ZFHX3: variants seen among roughly 807,000 people sequenced by gnomAD.
ZFHX3 encodes zinc finger homeobox protein 3.
A neutral mutation model predicts 279.1 loss-of-function variants in ZFHX3; 42 were observed. That is an observed-to-expected ratio of 0.15 (90% CI 0.12 to 0.19). The LOEUF is 0.19. Among genes scored for constraint, ZFHX3 ranks in the 10% least tolerant of loss-of-function variants. The probability of loss-of-function intolerance (pLI) is 1.00; values close to 1 mark genes in which losing one functional copy is unlikely to be tolerated. For synonymous variants in ZFHX3, 2,293 were observed against 1,957.8 expected, an observed-to-expected ratio of 1.17 and a Z score of -4.52; for missense variants, 4,981 against 4,754.0, an observed-to-expected ratio of 1.05 and a Z score of -1.40.
chr16:73,504,863 T>C (rs1014053218), intron 2 of ZFHX3: 1 of 152,032 alleles, frequency 6.6e-6, no homozygotes, highest in African/African-American at 2.4e-5. Flanking sequence ...GCTTGGGTTG[T>C]TGAGGGGAGA....
At position 73,453,175 on chromosome 16, in the gene ZFHX3, T is replaced by C. The variant is rs114914023; in HGVS notation, c.-1291+2828A>G. On this transcript the variant is annotated intron_variant, in intron 3 of 17. Coordinates refer to the ZFHX3 transcript ENST00000641206. ...GGTACAATAAATGTGTGTTGACTGA[T>C]TGAATTACTGGGTTGTCGGTTGGCC... Among the ~76,000 whole-genome samples the C allele has an allele frequency of 5.8e-3, 880 of 152,346 alleles. 10 individuals are homozygous for C. Among genetic ancestry groups the C allele is most frequent in the African/African-American group, 0.02 (852 of 41,572 alleles).
At chr16:73,406,503 C>T (rs948220565) in intron 3 of ZFHX3, among the ~76,000 whole-genome samples, 1 of 152,228 alleles carries the variant, frequency 6.6e-6, no homozygotes, top group African/African-American at 2.4e-5. Context: ...TAAAGACATA[C>T]CCATTTTGGC....
rs1235133516 is a variant in ZFHX3, at chr16:72,797,534, T to C, written c.5148A>G (p.Ala1716=). 5 of 1,614,108 alleles carry C rather than the reference T, an allele frequency of 3.1e-6. No individual in the cohort carries two copies. In the Admixed American group the frequency reaches 6.7e-5, roughly 22 times the overall value. ...EPKEANRKKL[A]DMIASRQQQQ... ...GCTGCTGCCTGGATGCAATCATATC[T>C]GCCAGTTTCTTCCGATTGGCCTCTT... The change falls in exon 9 of 10, where the codon GCA becomes GCG. Residue 1716 remains alanine, a synonymous_variant. Transcript: ENST00000268489.
intron 4 of ZFHX3, among the ~76,000 whole-genome samples, chr16:72,878,963 C>T (rs373927869): frequency 6.6e-6 from 1 of 152,196 alleles, no homozygotes; most frequent in Non-Finnish European, 1.5e-5. Flanking sequence ...AGGAAGGGTC[C>T]GAGTTCGCCT....
chr16:73,301,933 C>G (rs544231985), intron 4 of ZFHX3, among the ~76,000 whole-genome samples: 1 of 152,006 alleles, frequency 6.6e-6, no homozygotes, highest in African/African-American at 2.4e-5. Flanking sequence ...GTGGGTGCTG[C>G]GGCAACCACA....
intron 8 of ZFHX3, among the ~76,000 whole-genome samples, chr16:73,071,909 C>T (rs1184460860): frequency 6.6e-6 from 1 of 152,196 alleles, no homozygotes; most frequent in Non-Finnish European, 1.5e-5. Context: ...GGCCAAGGGG[C>T]ACAAGGCAGA....
At chr16:73,818,218 G>A (rs1256141879) in intron 1 of ZFHX3, among the ~76,000 whole-genome samples, 1 of 152,158 alleles carries the variant, frequency 6.6e-6, no homozygotes, top group Non-Finnish European at 1.5e-5. Flanking sequence ...TTTATAGTAT[G>A]ACAGATCCTA....
intron 3 of ZFHX3, among the ~76,000 whole-genome samples, chr16:73,439,814 T>C (rs903091669): frequency 5.5e-5 from 8 of 145,720 alleles, no homozygotes; most frequent in Non-Finnish European, 1.0e-4. Context: ...ATTGCTGAAA[T>C]TGGACACATG....
At chr16:73,649,119 C>T (rs1360245089) in intron 2 of ZFHX3, among the ~76,000 whole-genome samples, 1 of 152,190 alleles carries the variant, frequency 6.6e-6, no homozygotes, top group Non-Finnish European at 1.5e-5. Flanking sequence ...TCTATGTTAA[C>T]CATCATAACT....
intron 3 of ZFHX3, among the ~76,000 whole-genome samples, chr16:72,900,071 C>T (rs988433431): frequency 7.3e-6 from 1 of 137,062 alleles, no homozygotes; most frequent in Non-Finnish European, 1.5e-5. Flanking sequence ...AAGTGCAAAA[C>T]TTGCCAAAGT....
chr16:73,873,713 G>GA (rs1185407534), intron 1 of ZFHX3, among the ~76,000 whole-genome samples: 2 of 151,994 alleles, frequency 1.3e-5, no homozygotes, highest in Admixed American at 6.5e-5. Flanking sequence ...CTTTAGAAAG[G>GA]AAAAAAATGC....
chr16:72,912,236 G>A (rs973875474), intron 3 of ZFHX3, among the ~76,000 whole-genome samples: 2 of 152,178 alleles, frequency 1.3e-5, no homozygotes, highest in African/African-American at 4.8e-5. Context: ...AGCAATGTCA[G>A]GCCCAGTGTC....
chr16:73,011,109 G>A (rs1963899541), intron 1 of ZFHX3, among the ~76,000 whole-genome samples: 3 of 152,046 alleles, frequency 2.0e-5, no homozygotes, highest in East Asian at 3.9e-4. Flanking sequence ...AGCCTCCCCA[G>A]TAGCTGGGAC....
At chr16:72,879,317 G>A (rs907367804) in intron 4 of ZFHX3, among the ~76,000 whole-genome samples, 2 of 152,172 alleles carry the variant, frequency 1.3e-5, no homozygotes, top group African/African-American at 4.8e-5. Flanking sequence ...ATAGAAAATT[G>A]TAAGGCTCTA....
chr16:73,143,920 T>C (rs1245739204), intron 5 of ZFHX3: 1 of 455,816 alleles, frequency 2.2e-6, no homozygotes, highest in Non-Finnish European at 3.9e-6. Flanking sequence ...GATTCTCCCA[T>C]TGCTTTTCAC....
At chr16:73,078,184 C>T (rs569424395) in intron 8 of ZFHX3, among the ~76,000 whole-genome samples, 28 of 152,156 alleles carry the variant, frequency 1.8e-4, no homozygotes, top group Non-Finnish European at 3.2e-4. Flanking sequence ...TATGAAAAAC[C>T]TCATTGTTTA....
chr16:72,813,246 G>A (rs927487518), intron 5 of ZFHX3, among the ~76,000 whole-genome samples: 9 of 152,176 alleles, frequency 5.9e-5, no homozygotes, highest in Non-Finnish European at 1.0e-4. Context: ...AAAAAATAAT[G>A]TGACTCAGCA....
intron 2 of ZFHX3, among the ~76,000 whole-genome samples, chr16:73,484,014 C>T (rs1225042935): frequency 1.3e-5 from 2 of 151,130 alleles, no homozygotes; most frequent in African/African-American, 4.9e-5. Context: ...TGAAATCCCC[C>T]ACTAGACAGT....
At chr16:73,159,723 C>T (rs572865802) in intron 5 of ZFHX3, among the ~76,000 whole-genome samples, 1 of 152,176 alleles carries the variant, frequency 6.6e-6, no homozygotes, top group South Asian at 2.1e-4. Context: ...TAAGCCATAA[C>T]CAAAGTTGTT....
Sources: gnomAD v4.1 joint callset for allele counts (sites outside exome capture counted in the v4.1 genomes callset) on GRCh38, gnomAD v4.1.1 for gene constraint, MANE v1.5 for transcripts, NCBI Gene and HGNC (gene_info 2026-07-23, HGNC 2026-07-21) for gene names.